ANKS1B: variants seen among roughly 807,000 people sequenced by gnomAD.
The protein encoded by ANKS1B is ankyrin repeat and sterile alpha motif domain containing 1B.
A neutral mutation model predicts 148.3 loss-of-function variants in ANKS1B; 36 were observed. The observed-to-expected ratio is 0.24, with a 90% CI of 0.19 to 0.32. The LOEUF is 0.32. Among genes scored for constraint, ANKS1B ranks in the 10% least tolerant of loss-of-function variants. The probability of loss-of-function intolerance (pLI) is 1.00; values close to 1 mark genes in which losing one functional copy is unlikely to be tolerated. For missense variants in ANKS1B, 1,157 were observed against 1,542.6 expected, an observed-to-expected ratio of 0.75 and a Z score of 4.19; for synonymous variants, 542 against 560.8, an observed-to-expected ratio of 0.97 and a Z score of 0.47.
intron 1 of ANKS1B, among the ~76,000 whole-genome samples, chr12:99,903,431 G>C (rs1034724574): frequency 6.6e-6 from 1 of 152,182 alleles, no homozygotes; most frequent in South Asian, 2.1e-4. Flanking sequence ...TGATGGTAAA[G>C]TTCCTACTTC....
chr12:99,876,025 C>T (rs1300977703), intron 1 of ANKS1B, among the ~76,000 whole-genome samples: 2 of 152,012 alleles, frequency 1.3e-5, no homozygotes, highest in Non-Finnish European at 2.9e-5. Context: ...CCAGTTTTTC[C>T]AAGAGGAATC....
chr12:99,410,103 GA>G (rs2094642438), intron 11 of ANKS1B, among the ~76,000 whole-genome samples: 1 of 152,200 alleles, frequency 6.6e-6, no homozygotes, highest in Non-Finnish European at 1.5e-5. Flanking sequence ...TGAAAGCTAA[GA>G]ATGGTTTTCA....
intron 1 of ANKS1B, among the ~76,000 whole-genome samples, chr12:99,849,248 A>AAT (rs2087257681): frequency 6.6e-6 from 1 of 152,090 alleles, no homozygotes; most frequent in Admixed American, 6.6e-5. Context: ...TCAAATACCA[A>AAT]ATATATATAT....
chr12:99,170,787 C>G (rs1285267772), intron 14 of ANKS1B, among the ~76,000 whole-genome samples: 2 of 152,146 alleles, frequency 1.3e-5, no homozygotes, highest in South Asian at 4.2e-4. Flanking sequence ...CACCAATAGC[C>G]AGGTCTTCAG....
intron 9 of ANKS1B, chr12:99,647,654 G>A (rs573181409): frequency 6.3e-6 from 1 of 158,828 alleles, no homozygotes; most frequent in African/African-American, 2.4e-5. Flanking sequence ...CCCCTGCTCT[G>A]AGGCAGGGAC....
intron 12 of ANKS1B, among the ~76,000 whole-genome samples, chr12:99,353,934 C>A (rs1398861902): frequency 6.6e-6 from 1 of 151,964 alleles, no homozygotes; most frequent in Non-Finnish European, 1.5e-5. Context: ...AAGTAATTTT[C>A]TTTTCCATTG....
intron 1 of ANKS1B, among the ~76,000 whole-genome samples, chr12:99,852,767 G>C (rs1417660223): frequency 6.6e-6 from 1 of 152,222 alleles, no homozygotes; most frequent in Non-Finnish European, 1.5e-5. Flanking sequence ...GGACAGCAGA[G>C]GAACTGTAAG....
intron 1 of ANKS1B, among the ~76,000 whole-genome samples, chr12:99,909,724 T>G (rs1203378900): frequency 6.6e-6 from 1 of 152,218 alleles, no homozygotes; most frequent in East Asian, 1.9e-4. Context: ...TTGGGGTCTT[T>G]TATGTTTCCA....
In ANKS1B at chr12:99,614,365, G is replaced by A. The variant is rs187644337; in HGVS notation, c.1272+40702C>T. 3.1e-3 allele frequency among the ~76,000 whole-genome samples: 469 copies of A among 151,800 alleles called. 1 individual carries two copies. The highest frequency in any genetic ancestry group is 4.9e-3 in the Non-Finnish European group (335 of 67,902). On this transcript the variant is annotated intron_variant, in intron 9 of 26. Transcript: ENST00000683438. ...CATGAGAATCACTTGAATGCAGGAG[G>A]CGGAGGTTGCAGTGAGTTGAGATCA...
At chr12:99,865,695 G>A (rs924539637) in intron 1 of ANKS1B, among the ~76,000 whole-genome samples, 19 of 152,188 alleles carry the variant, frequency 1.2e-4, no homozygotes, top group African/African-American at 4.3e-4. Context: ...GGAGGAAAAA[G>A]AAGGCTGAAA....
intron 12 of ANKS1B, among the ~76,000 whole-genome samples, chr12:99,320,786 A>G (rs1049714827): frequency 6.6e-6 from 1 of 152,222 alleles, no homozygotes; most frequent in Non-Finnish European, 1.5e-5. Flanking sequence ...TCTGATTTTT[A>G]GAATTTTCAA....
intron 9 of ANKS1B, among the ~76,000 whole-genome samples, chr12:99,564,847 G>A (rs1484449887): frequency 1.3e-5 from 2 of 152,068 alleles, no homozygotes; most frequent in Non-Finnish European, 2.9e-5. Context: ...GAACCCTTCT[G>A]ACTCTATAAT....
intron 14 of ANKS1B, among the ~76,000 whole-genome samples, chr12:99,182,408 C>T (rs1233201844): frequency 6.6e-6 from 1 of 152,190 alleles, no homozygotes; most frequent in African/African-American, 2.4e-5. Context: ...TAAGTGAGAA[C>T]ATGCAAAGCT....
At chr12:99,723,070 A>C (rs2058258353) in intron 8 of ANKS1B, among the ~76,000 whole-genome samples, 1 of 152,198 alleles carries the variant, frequency 6.6e-6, no homozygotes, top group Non-Finnish European at 1.5e-5. Context: ...CTAGGATCCC[A>C]ACCACAGAGC....
chr12:99,306,339 ATC>A (rs1240513270), intron 12 of ANKS1B, among the ~76,000 whole-genome samples: 1 of 152,026 alleles, frequency 6.6e-6, no homozygotes, highest in East Asian at 1.9e-4. Context: ...ATACTAGTAA[ATC>A]TCTGTTGTAA....
chr12:98,809,866 A>G (rs2099080781), intron 19 of ANKS1B, among the ~76,000 whole-genome samples: 1 of 152,164 alleles, frequency 6.6e-6, no homozygotes, highest in African/African-American at 2.4e-5. Context: ...GTTTAGACAC[A>G]ACAACTGATC....
At chr12:99,170,496 G>A (rs1240923015) in intron 14 of ANKS1B, among the ~76,000 whole-genome samples, 5 of 152,100 alleles carry the variant, frequency 3.3e-5, no homozygotes, top group Non-Finnish European at 5.9e-5. Context: ...GAAATAGCAC[G>A]TGAAAAAAGC....
At chr12:99,467,580 C>A (rs865949104) in intron 10 of ANKS1B, among the ~76,000 whole-genome samples, 3 of 152,182 alleles carry the variant, frequency 2.0e-5, no homozygotes, top group Non-Finnish European at 4.4e-5. Context: ...TGATAAGCAA[C>A]TTCAGCAAAG....
At chr12:99,259,062 C>T (rs1339172027) in intron 12 of ANKS1B, among the ~76,000 whole-genome samples, 1 of 152,072 alleles carries the variant, frequency 6.6e-6, no homozygotes, top group Non-Finnish European at 1.5e-5. Flanking sequence ...CAGAGGAGCC[C>T]GTATGAGATA....
Sources: gnomAD v4.1 joint callset for allele counts (sites outside exome capture counted in the v4.1 genomes callset) on GRCh38, gnomAD v4.1.1 for gene constraint, MANE v1.5 for transcripts, NCBI Gene and HGNC (gene_info 2026-07-23, HGNC 2026-07-21) for gene names.